The following LY86 variants were observed in gnomAD, a reference collection of about 807,000 sequenced individuals.
LY86 encodes the protein lymphocyte antigen 86.
In LY86, 20 loss-of-function variants were observed where a neutral mutation model predicts 17.3. The ratio of observed to expected loss-of-function variants is 1.15; its 90% confidence interval spans 0.81 to 1.68. The LOEUF is 1.68. Ranked by LOEUF, LY86 falls within the 40% of genes most tolerant of loss-of-function variation. The probability of loss-of-function intolerance (pLI) is 0.00; values close to 1 mark genes in which losing one functional copy is unlikely to be tolerated. For synonymous variants in LY86, 74 were observed against 70.6 expected, an observed-to-expected ratio of 1.05 and a Z score of -0.24; for missense variants, 200 against 191.9, an observed-to-expected ratio of 1.04 and a Z score of -0.25.
chr6:6,604,543 A>C (rs1282354023), intron 1 of LY86, among the ~76,000 whole-genome samples: 3 of 152,236 alleles, frequency 2.0e-5, no homozygotes, highest in Non-Finnish European at 4.4e-5. Context: ...AAAATCTACC[A>C]CAGAGAAATA....
intron 1 of LY86, among the ~76,000 whole-genome samples, chr6:6,612,123 A>T (rs1319741001): frequency 6.6e-6 from 1 of 152,240 alleles, no homozygotes; most frequent in Admixed American, 6.5e-5. Flanking sequence ...TCCAAAAATC[A>T]GCTCAACAAC....
rs72821167 is a variant in LY86 at position 6,621,624 on chromosome 6, T to C, written c.137-3302T>C. ...GCATCTGGTGGGTAGAGACCAGGGA[T>C]GCTTCTAGACATCCTATGATGTGCA... On this transcript the variant is annotated intron_variant, in intron 1 of 4. Coordinates refer to ENST00000230568, the MANE Select transcript of LY86 (RefSeq NM_004271.4). Among the ~76,000 whole-genome samples the C allele has an allele frequency of 6.0e-3, 918 of 152,338 alleles. 5 individuals are homozygous for C. Among genetic ancestry groups the C allele is most frequent in the Non-Finnish European group, 0.01 (698 of 68,030 alleles).
At chr6:6,652,055 C>CAAAAAA (rs61606490) in intron 4 of LY86, among the ~76,000 whole-genome samples, 1 of 59,284 alleles carries the variant, frequency 1.7e-5, no homozygotes. Flanking sequence ...GACTCCATCT[C>CAAAAAA]AAAAAAAAAA....
intron 3 of LY86, among the ~76,000 whole-genome samples, chr6:6,646,200 G>T (rs1762104898): frequency 6.6e-6 from 1 of 152,110 alleles, no homozygotes; most frequent in Admixed American, 6.5e-5. Context: ...CCACATATTA[G>T]TTACAGTGCC....
At chr6:6,641,748 T>TGTGCTCGCTTCGGCAGCACATATAC in intron 3 of LY86, among the ~76,000 whole-genome samples, 1 of 152,316 alleles carries the variant, frequency 6.6e-6, no homozygotes, top group African/African-American at 2.4e-5. Flanking sequence ...AAGGGGCACC[T>TGTGCTCGCTTCGGCAGCACATATAC]TCTGCCAGGA....
At chr6:6,592,017 G>A (rs1760545518) in intron 1 of LY86, among the ~76,000 whole-genome samples, 1 of 152,182 alleles carries the variant, frequency 6.6e-6, no homozygotes, top group African/African-American at 2.4e-5. Context: ...GTTGCATTTT[G>A]GAAAGATCCT....
chr6:6,596,546 C>G (rs1175808500), intron 1 of LY86, among the ~76,000 whole-genome samples: 1 of 152,122 alleles, frequency 6.6e-6, no homozygotes, highest in Non-Finnish European at 1.5e-5. Context: ...AGACAAATAG[C>G]TAGAGAGAAA....
At chr6:6,627,360 G>C (rs1292667849) in intron 3 of LY86, among the ~76,000 whole-genome samples, 1 of 152,184 alleles carries the variant, frequency 6.6e-6, no homozygotes, top group East Asian at 1.9e-4. Context: ...CCTTTCTACA[G>C]TGAGGGATGC....
At chr6:6,605,501 G>A (rs906519151) in intron 1 of LY86, among the ~76,000 whole-genome samples, 45 of 152,246 alleles carry the variant, frequency 3.0e-4, no homozygotes, top group African/African-American at 1.0e-3. Context: ...AGAGATCAGT[G>A]CCTTGCCATG....
At chr6:6,602,469 T>C (rs1193338643) in intron 1 of LY86, among the ~76,000 whole-genome samples, 1 of 152,240 alleles carries the variant, frequency 6.6e-6, no homozygotes, top group Non-Finnish European at 1.5e-5. Context: ...ACATAGTCCA[T>C]ACTCAATGTG....
chr6:6,612,185 CT>C (rs1761371004), intron 1 of LY86, among the ~76,000 whole-genome samples: 2 of 151,962 alleles, frequency 1.3e-5, no homozygotes, highest in South Asian at 2.1e-4. Context: ...GTCTCACTGA[CT>C]TCAAGAACGA....
At chr6:6,598,158 T>C (rs1240844721) in intron 1 of LY86, among the ~76,000 whole-genome samples, 1 of 152,252 alleles carries the variant, frequency 6.6e-6, no homozygotes. Context: ...ATTTAACAAA[T>C]TAATTTTTGC....
intron 1 of LY86, among the ~76,000 whole-genome samples, chr6:6,605,820 G>A (rs112222203): frequency 3.3e-5 from 5 of 150,996 alleles, no homozygotes; most frequent in South Asian, 2.1e-4. Flanking sequence ...TGGTCTCGCT[G>A]GCTGACTTTC....
intron 1 of LY86, among the ~76,000 whole-genome samples, chr6:6,597,081 G>A (rs1029785994): frequency 1.3e-5 from 2 of 152,232 alleles, no homozygotes; most frequent in African/African-American, 2.4e-5. Flanking sequence ...CAGCCCAGCA[G>A]CTATTTTTGT....
chr6:6,635,926 G>A (rs1761952755), intron 3 of LY86, among the ~76,000 whole-genome samples: 1 of 152,220 alleles, frequency 6.6e-6, no homozygotes. Flanking sequence ...TATTATGGAA[G>A]CATTTCCTGT....
chr6:6,629,037 C>G (rs1761853614), intron 3 of LY86, among the ~76,000 whole-genome samples: 1 of 152,190 alleles, frequency 6.6e-6, no homozygotes, highest in African/African-American at 2.4e-5. Context: ...TTCCCTAAAT[C>G]AGTTTGAGGT....
chr6:6,642,094 TG>T (rs1762047988), intron 3 of LY86, among the ~76,000 whole-genome samples: 1 of 152,248 alleles, frequency 6.6e-6, no homozygotes, highest in African/African-American at 2.4e-5. Context: ...GAGGCCCTGC[TG>T]ATGCCCACTC....
intron 1 of LY86, among the ~76,000 whole-genome samples, chr6:6,606,017 C>T (rs938543498): frequency 5.9e-5 from 9 of 152,196 alleles, no homozygotes; most frequent in East Asian, 1.9e-4. Context: ...AAGAACAAAA[C>T]TTCCACAGCA....
chr6:6,608,413 G>A (rs544977546), intron 1 of LY86, among the ~76,000 whole-genome samples: 3 of 152,202 alleles, frequency 2.0e-5, no homozygotes, highest in South Asian at 4.2e-4. Flanking sequence ...TATACGTATC[G>A]ACTACAATTG....
Sources: gnomAD v4.1 joint callset for allele counts (sites outside exome capture counted in the v4.1 genomes callset) on GRCh38, gnomAD v4.1.1 for gene constraint, MANE v1.5 for transcripts, NCBI Gene and HGNC (gene_info 2026-07-23, HGNC 2026-07-21) for gene names.